The following KLF12 variants were observed in gnomAD, a reference collection of about 807,000 sequenced individuals.
KLF12 encodes the protein KLF transcription factor 12, also known as Krueppel-like factor 12.
In KLF12, 9 loss-of-function variants were observed where a neutral mutation model predicts 37.8. That is an observed-to-expected ratio of 0.24 (90% CI 0.14 to 0.42). The LOEUF is 0.42. Ranked by LOEUF, KLF12 falls within the 10% of genes least tolerant of loss-of-function variation. The pLI is 1.00. For missense variants in KLF12, 411 were observed against 516.0 expected (o/e 0.80, Z 1.97); for synonymous variants, 208 against 202.1 (o/e 1.03, Z -0.25).
intron 1 of KLF12, among the ~76,000 whole-genome samples, chr13:74,116,004 C>T (rs1404324745): frequency 1.3e-5 from 2 of 152,302 alleles, no homozygotes; most frequent in East Asian, 1.9e-4. Context: ...CTGAGATTTA[C>T]CATTCCACAC....
At chr13:73,769,635 C>A (rs1445583059) in intron 5 of KLF12, among the ~76,000 whole-genome samples, 1 of 152,150 alleles carries the variant, frequency 6.6e-6, no homozygotes. Context: ...TGTCTACCTC[C>A]AGCCTTAGAT....
chr13:74,303,706 G>A, the KLF12 span, among the ~76,000 whole-genome samples: 9 of 152,102 alleles, frequency 5.9e-5, no homozygotes, highest in South Asian at 1.0e-3. Flanking sequence ...TATTCTCTGC[G>A]TTACCAGACT....
chr13:73,697,088 A>AACACACAC (rs10679066), intron 7 of KLF12, among the ~76,000 whole-genome samples: 5,507 of 149,592 alleles, frequency 0.037, 110 homozygotes, highest in Middle Eastern at 0.086. Context: ...ATACAACTGC[A>AACACACAC]ACACACACAC....
At chr13:73,718,358 G>C (rs1191385979) in intron 6 of KLF12, among the ~76,000 whole-genome samples, 1 of 152,144 alleles carries the variant, frequency 6.6e-6, no homozygotes, top group Non-Finnish European at 1.5e-5. Context: ...AAAAACAAAG[G>C]CTACAGAAGG....
chr13:73,978,269 A>C (rs913541569), intron 2 of KLF12, among the ~76,000 whole-genome samples: 1 of 152,128 alleles, frequency 6.6e-6, no homozygotes, highest in Non-Finnish European at 1.5e-5. Context: ...CAAAGTTCAG[A>C]AAAAAAAGAG....
intron 5 of KLF12, among the ~76,000 whole-genome samples, chr13:73,784,637 T>C (rs1304214788): frequency 1.3e-5 from 2 of 150,746 alleles, no homozygotes; most frequent in Admixed American, 6.6e-5. Flanking sequence ...TCTCCTTTTT[T>C]TTTTTTTTTT....
chr13:73,856,320 C>A (rs1290781560), intron 3 of KLF12, among the ~76,000 whole-genome samples: 1 of 152,152 alleles, frequency 6.6e-6, no homozygotes, highest in African/African-American at 2.4e-5. Flanking sequence ...GATGCTTATC[C>A]ATCAGAAACA....
chr13:73,762,420 T>A, intron 6 of KLF12, among the ~76,000 whole-genome samples: 1 of 152,220 alleles, frequency 6.6e-6, no homozygotes, highest in East Asian at 1.9e-4. Flanking sequence ...GTTTGGGAAC[T>A]CAACAACAGC....
At chr13:73,845,640 T>C (rs1884971028) in intron 4 of KLF12, among the ~76,000 whole-genome samples, 187 bp downstream of exon 4, 1 of 152,198 alleles carries the variant, frequency 6.6e-6, no homozygotes. Context: ...AGCATATACC[T>C]ACATAAACAT....
At chr13:73,860,758 C>A (rs185052751) in intron 3 of KLF12, among the ~76,000 whole-genome samples, 3 of 152,018 alleles carry the variant, frequency 2.0e-5, no homozygotes, top group Non-Finnish European at 4.4e-5. Context: ...TTAATTACCC[C>A]GTGACTAAAA....
At chr13:73,963,710 A>G (rs983259563) in intron 2 of KLF12, among the ~76,000 whole-genome samples, 8 of 152,236 alleles carry the variant, frequency 5.3e-5, no homozygotes, top group African/African-American at 1.9e-4. Context: ...TTCATTTTCA[A>G]TACTAACTTC....
At chr13:74,142,293 A>T in the KLF12 span, among the ~76,000 whole-genome samples, 3 of 152,234 alleles carry the variant, frequency 2.0e-5, no homozygotes, top group Admixed American at 2.0e-4. Context: ...AGCAAGTCAC[A>T]ATTAAAAAGG....
At chr13:74,239,828 T>C in the KLF12 span, among the ~76,000 whole-genome samples, 15 of 152,020 alleles carry the variant, frequency 9.9e-5, no homozygotes, top group African/African-American at 2.7e-4. Flanking sequence ...ATTTTGAGCC[T>C]ATGTGTGTCT....
intron 1 of KLF12, among the ~76,000 whole-genome samples, chr13:74,124,255 G>A (rs1221497339): frequency 6.6e-6 from 1 of 152,118 alleles, no homozygotes; most frequent in Non-Finnish European, 1.5e-5. Context: ...AAGAGCTAAT[G>A]CATATTCCAA....
the KLF12 span, among the ~76,000 whole-genome samples, chr13:74,154,777 G>A: frequency 5.9e-5 from 9 of 152,282 alleles, no homozygotes; most frequent in Middle Eastern, 3.4e-3. Context: ...TGGCTCTTCC[G>A]TCATCATGGG....
chr13:74,028,824 GAGAA>G (rs1164029217), intron 1 of KLF12, among the ~76,000 whole-genome samples: 3 of 82,978 alleles, frequency 3.6e-5, no homozygotes, highest in South Asian at 5.2e-4. Context: ...ATAAGAAAAA[GAGAA>G]AGAATTTTCA....
chr13:74,123,817 G>A (rs1311793517), intron 1 of KLF12, among the ~76,000 whole-genome samples: 1 of 152,164 alleles, frequency 6.6e-6, no homozygotes, highest in Non-Finnish European at 1.5e-5. Context: ...TAGTAATTAT[G>A]CAATGGGAAA....
intron 3 of KLF12, among the ~76,000 whole-genome samples, chr13:73,942,476 T>C (rs1242064471): frequency 6.6e-6 from 1 of 152,092 alleles, no homozygotes; most frequent in Admixed American, 6.6e-5. Context: ...AACAGAACTC[T>C]AAAGAACTAA....
At chr13:74,109,356 C>T (rs1876848311) in intron 1 of KLF12, among the ~76,000 whole-genome samples, 2 of 151,714 alleles carry the variant, frequency 1.3e-5, no homozygotes, top group Non-Finnish European at 2.9e-5. Context: ...CACTGCAAAA[C>T]AGCTTTGCTG....
Sources: allele counts gnomAD v4.1 joint callset (sites outside exome capture counted in the v4.1 genomes callset), GRCh38; gene constraint gnomAD v4.1.1; transcripts MANE v1.5; gene names NCBI Gene and HGNC (gene_info 2026-07-23, HGNC 2026-07-21).